The following CTNNA3 variants were observed in gnomAD, a reference collection of about 807,000 sequenced individuals.
The protein encoded by CTNNA3 is catenin alpha-3.
In CTNNA3, 76 loss-of-function variants were observed where a neutral mutation model predicts 95.7. That is an observed-to-expected ratio of 0.79 (90% CI 0.66 to 0.96). The LOEUF (loss-of-function observed/expected upper bound fraction) is 0.96. Ranked by LOEUF, CTNNA3 falls within the 40% of genes least tolerant of loss-of-function variation. The probability of loss-of-function intolerance (pLI) is 0.00; values close to 1 mark genes in which losing one functional copy is unlikely to be tolerated. For missense variants in CTNNA3, 1,191 were observed against 1,089.8 expected (o/e 1.09, Z -1.31); for synonymous variants, 431 against 374.4 (o/e 1.15, Z -1.74).
chr10:67,725,018 T>A (rs1297970009), intron 1 of CTNNA3, among the ~76,000 whole-genome samples: 1 of 152,000 alleles, frequency 6.6e-6, no homozygotes, highest in Non-Finnish European at 1.5e-5. Flanking sequence ...TTTTTATAAT[T>A]TATAAAATTA....
At chr10:67,435,229 C>T (rs892229786) in intron 5 of CTNNA3, among the ~76,000 whole-genome samples, 2 of 151,948 alleles carry the variant, frequency 1.3e-5, no homozygotes, top group East Asian at 3.9e-4. Flanking sequence ...GGCAACAGCT[C>T]TGAAGTAAAC....
intron 13 of CTNNA3, among the ~76,000 whole-genome samples, chr10:66,138,470 T>C (rs1039682145): frequency 6.6e-6 from 1 of 152,078 alleles, no homozygotes; most frequent in Non-Finnish European, 1.5e-5. Context: ...AAGAAAACAA[T>C]AGTAGGCTTA....
At chr10:67,606,349 C>T (rs1843271641) in intron 3 of CTNNA3, among the ~76,000 whole-genome samples, 4 of 152,104 alleles carry the variant, frequency 2.6e-5, no homozygotes, top group Admixed American at 2.6e-4. Flanking sequence ...GTAATATTAA[C>T]AAAGCAGCAA....
chr10:66,654,662 C>T (rs1407461418), intron 9 of CTNNA3, among the ~76,000 whole-genome samples: 1 of 151,992 alleles, frequency 6.6e-6, no homozygotes, highest in African/African-American at 2.4e-5. Flanking sequence ...TTCCCATGTT[C>T]CTCACAGCAT....
chr10:67,455,898 A>G (rs1847154628), intron 5 of CTNNA3, among the ~76,000 whole-genome samples: 1 of 152,202 alleles, frequency 6.6e-6, no homozygotes, highest in African/African-American at 2.4e-5. Context: ...AATAAAATGT[A>G]GAGTTTAGTT....
intron 9 of CTNNA3, among the ~76,000 whole-genome samples, chr10:66,688,314 C>G (rs749824432): frequency 3.9e-5 from 6 of 152,084 alleles, no homozygotes; most frequent in Non-Finnish European, 8.8e-5. Context: ...CTGCCTATGT[C>G]CTTTATTATT....
At chr10:67,301,992 A>G (rs1348485735) in intron 5 of CTNNA3, among the ~76,000 whole-genome samples, 1 of 62,632 alleles carries the variant, frequency 1.6e-5, no homozygotes, top group Non-Finnish European at 2.6e-5. Flanking sequence ...AGAAAGAAAG[A>G]ACGAAAGAAC....
At chr10:66,847,300 G>T (rs936164044) in intron 7 of CTNNA3, among the ~76,000 whole-genome samples, 1 of 152,036 alleles carries the variant, frequency 6.6e-6, no homozygotes, top group Non-Finnish European at 1.5e-5. Flanking sequence ...AGTCTTTTCA[G>T]GGCTATATCT....
intron 1 of CTNNA3, among the ~76,000 whole-genome samples, chr10:67,707,293 C>T (rs1841083917): frequency 6.6e-6 from 1 of 152,156 alleles, no homozygotes; most frequent in East Asian, 1.9e-4. Flanking sequence ...CCTTGATGAT[C>T]TGGCTGTTGT....
chr10:66,262,454 T>C (rs972732558), intron 13 of CTNNA3, among the ~76,000 whole-genome samples: 1 of 152,000 alleles, frequency 6.6e-6, no homozygotes, highest in Non-Finnish European at 1.5e-5. Flanking sequence ...GAAGGAGCTG[T>C]GTCAACAGTA....
At chr10:66,779,202 C>T (rs892447032) in intron 7 of CTNNA3, among the ~76,000 whole-genome samples, 2 of 152,066 alleles carry the variant, frequency 1.3e-5, no homozygotes, top group African/African-American at 2.4e-5. Flanking sequence ...ATTTACTAAA[C>T]CACTAATAAG....
At chr10:66,767,727 A>C (rs4328125) in intron 8 of CTNNA3, among the ~76,000 whole-genome samples, 129,311 of 152,138 alleles carry the variant, frequency 0.85, 55,253 homozygotes, top group East Asian at 1. Flanking sequence ...GATAGAGCTA[A>C]ATAGAAAGTA....
chr10:65,971,621 A>G (rs2078104372), intron 16 of CTNNA3, among the ~76,000 whole-genome samples: 1 of 151,978 alleles, frequency 6.6e-6, no homozygotes, highest in Non-Finnish European at 1.5e-5. Context: ...ATGAATTAGA[A>G]AGAAACTGAA....
At chr10:67,357,292 A>G (rs1463496146) in intron 5 of CTNNA3, among the ~76,000 whole-genome samples, 1 of 152,136 alleles carries the variant, frequency 6.6e-6, no homozygotes, top group African/African-American at 2.4e-5. Flanking sequence ...ATCAAACATG[A>G]TGTTATATCT....
chr10:67,208,873 C>A (rs1027244980), intron 6 of CTNNA3, among the ~76,000 whole-genome samples: 1 of 151,700 alleles, frequency 6.6e-6, no homozygotes, highest in Non-Finnish European at 1.5e-5. Flanking sequence ...CAGGAAAATG[C>A]TAATAAAAAG....
chr10:67,306,512 T>C (rs1210132899), intron 5 of CTNNA3, among the ~76,000 whole-genome samples: 1 of 152,066 alleles, frequency 6.6e-6, no homozygotes, highest in African/African-American at 2.4e-5. Flanking sequence ...AAAGATGACA[T>C]CCAGGAACCT....
At position 67,133,378 on chromosome 10, in the gene CTNNA3, TACAC is replaced by T. The variant is rs71006130; in HGVS notation, c.1047+46935_1047+46938del. Among the ~76,000 whole-genome samples the T allele has an allele frequency of 1.5e-3, 202 of 133,888 alleles. 1 individual carries two copies. Among genetic ancestry groups the T allele is most frequent in the East Asian group, 7.5e-3 (35 of 4,638 alleles). The allele number at this position is 133,888 out of a possible 152,430, so 87.8% of individuals were successfully genotyped here. On this transcript the variant is annotated intron_variant, in intron 7 of 17. Transcript: ENST00000433211. ...ACATACATACATACATATATATATATACACACACACACACACACACACACAATGG... is the reference window on the plus strand; with the variant it reads ...ACATACATACATACATATATATATATACACACACACACACACACACAATGG...
At chr10:67,085,778 A>G (rs911243763) in intron 7 of CTNNA3, among the ~76,000 whole-genome samples, 94 of 152,146 alleles carry the variant, frequency 6.2e-4, no homozygotes, top group African/African-American at 2.2e-3. Flanking sequence ...TCAAACTTTT[A>G]CTAATACGCA....
At chr10:66,606,248 C>T (rs1844117972) in intron 10 of CTNNA3, among the ~76,000 whole-genome samples, 1 of 152,118 alleles carries the variant, frequency 6.6e-6, no homozygotes, top group Non-Finnish European at 1.5e-5. Context: ...ATGCACCCAA[C>T]ACAGAGGCGT....
Sources: gnomAD v4.1 joint callset for allele counts (sites outside exome capture counted in the v4.1 genomes callset) on GRCh38, gnomAD v4.1.1 for gene constraint, MANE v1.5 for transcripts, NCBI Gene and HGNC (gene_info 2026-07-23, HGNC 2026-07-21) for gene names.